Variants in SPAG16 observed in about 807,000 individuals in gnomAD.
SPAG16 encodes the protein sperm associated antigen 16, also known as sperm-associated antigen 16 protein.
A neutral mutation model predicts 80.4 loss-of-function variants in SPAG16; 86 were observed. The observed-to-expected ratio is 1.07, with a 90% CI of 0.90 to 1.28. The LOEUF is 1.28. Ranked by LOEUF, SPAG16 falls within the 50% of genes most tolerant of loss-of-function variation. The pLI is 0.00. For synonymous variants in SPAG16, 294 were observed against 265.9 expected, an observed-to-expected ratio of 1.11 and a Z score of -1.03; for missense variants, 870 against 765.3, an observed-to-expected ratio of 1.14 and a Z score of -1.61.
At chr2:213,615,717 T>TA (rs2061571296) in intron 10 of SPAG16, among the ~76,000 whole-genome samples, 1 of 152,240 alleles carries the variant, frequency 6.6e-6, no homozygotes, top group South Asian at 2.1e-4. Flanking sequence ...TTGTGTTATT[T>TA]AACGTTAGAT....
At chr2:213,559,146 GA>G (rs1254876140) in intron 10 of SPAG16, among the ~76,000 whole-genome samples, 1 of 152,042 alleles carries the variant, frequency 6.6e-6, no homozygotes, top group Non-Finnish European at 1.5e-5. Context: ...GACGCAATAA[GA>G]AGACAATTAT....
At chr2:213,531,178 T>C (rs1186581728) in intron 10 of SPAG16, among the ~76,000 whole-genome samples, 1 of 152,172 alleles carries the variant, frequency 6.6e-6, no homozygotes, top group African/African-American at 2.4e-5. Context: ...GTTTTCACAC[T>C]AGGACATTTT....
chr2:213,699,468 T>G (rs979162438), intron 10 of SPAG16, among the ~76,000 whole-genome samples: 1 of 152,150 alleles, frequency 6.6e-6, no homozygotes, highest in African/African-American at 2.4e-5. Context: ...AAAAGAAATT[T>G]AAAGAAAATT....
At chr2:213,303,455 T>G (rs2062822999) in intron 3 of SPAG16, among the ~76,000 whole-genome samples, 2 of 142,594 alleles carry the variant, frequency 1.4e-5, no homozygotes, top group African/African-American at 2.4e-5. Flanking sequence ...TATTGTTGAA[T>G]GTAGTCACTC....
intron 15 of SPAG16, among the ~76,000 whole-genome samples, chr2:214,195,788 T>TA (rs142330864): frequency 0.061 from 9,332 of 151,826 alleles, 344 homozygotes; most frequent in South Asian, 0.081. Context: ...GAAATTCAAG[T>TA]AAAAAAAACT....
intron 15 of SPAG16, among the ~76,000 whole-genome samples, chr2:214,352,394 T>C (rs1403913476): frequency 6.6e-6 from 1 of 152,264 alleles, no homozygotes; most frequent in Non-Finnish European, 1.5e-5. Context: ...ATTCCCTTTA[T>C]TAAGTGATAC....
At chr2:214,403,059 A>C (rs1701802367) in intron 15 of SPAG16, among the ~76,000 whole-genome samples, 6 of 151,210 alleles carry the variant, frequency 4.0e-5, no homozygotes. Context: ...AAAAAAAAAA[A>C]AACTCATCTG....
At chr2:214,256,562 T>TATGG (rs1559159703) in intron 15 of SPAG16, among the ~76,000 whole-genome samples, 1 of 151,074 alleles carries the variant, frequency 6.6e-6, no homozygotes, top group East Asian at 1.9e-4. Flanking sequence ...TTTCTGTATG[T>TATGG]TATAAATCTG....
chr2:213,723,507 G>A (rs1301592410), intron 10 of SPAG16, among the ~76,000 whole-genome samples: 1 of 152,178 alleles, frequency 6.6e-6, no homozygotes, highest in Non-Finnish European at 1.5e-5. Flanking sequence ...TGAATTGAAT[G>A]TAGAAGGACA....
chr2:213,958,938 G>A (rs1217182108), intron 12 of SPAG16, among the ~76,000 whole-genome samples: 1 of 152,156 alleles, frequency 6.6e-6, no homozygotes, highest in African/African-American at 2.4e-5. Context: ...TTTCAGGGCA[G>A]TTCTACTGGT....
chr2:213,838,058 C>T (rs371752775), intron 10 of SPAG16, among the ~76,000 whole-genome samples: 12 of 151,556 alleles, frequency 7.9e-5, no homozygotes, highest in Admixed American at 3.9e-4. Flanking sequence ...GCCGTTCTTA[C>T]GGTTGTAAGA....
intron 9 of SPAG16, among the ~76,000 whole-genome samples, chr2:213,407,852 G>A (rs571796654): frequency 1.6e-5 from 2 of 123,372 alleles, no homozygotes; most frequent in South Asian, 3.0e-4. Context: ...CAGGAGAGAG[G>A]CAGAGAGAGA....
intron 14 of SPAG16, among the ~76,000 whole-genome samples, chr2:214,127,386 C>T (rs953346174): frequency 3.8e-4 from 57 of 151,846 alleles, no homozygotes; most frequent in African/African-American, 1.4e-3. Context: ...AACAATATCA[C>T]ATGCTGTTCC....
chr2:213,668,279 G>C (rs932413874), intron 10 of SPAG16, among the ~76,000 whole-genome samples: 2 of 149,390 alleles, frequency 1.3e-5, no homozygotes, highest in African/African-American at 4.9e-5. Context: ...CCTATGTTTA[G>C]ATAATTTTTC....
chr2:213,867,197 T>C (rs558967762), intron 11 of SPAG16, among the ~76,000 whole-genome samples: 227 of 152,328 alleles, frequency 1.5e-3, no homozygotes, highest in African/African-American at 5.3e-3. Flanking sequence ...TAAGGTCATA[T>C]ATTGGTAAGA....
At chr2:214,405,496 A>G (rs1366485190) in intron 15 of SPAG16, among the ~76,000 whole-genome samples, 2 of 152,154 alleles carry the variant, frequency 1.3e-5, no homozygotes, top group African/African-American at 2.4e-5. Flanking sequence ...AAAGTTTTCA[A>G]TTCAAATCCC....
chr2:214,289,587 T>C (rs886716661), intron 15 of SPAG16, among the ~76,000 whole-genome samples: 8 of 152,228 alleles, frequency 5.3e-5, no homozygotes, highest in African/African-American at 1.4e-4. Context: ...GGTCTATGTG[T>C]CTGCTCTTAT....
chr2:214,277,591 C>G (rs894828554), intron 15 of SPAG16, among the ~76,000 whole-genome samples: 5 of 149,468 alleles, frequency 3.3e-5, no homozygotes, highest in East Asian at 2.0e-4. Flanking sequence ...ACTCCAGACC[C>G]TGTTTGCCTG....
At chr2:213,586,693 T>C (rs2060486854) in intron 10 of SPAG16, among the ~76,000 whole-genome samples, 1 of 152,200 alleles carries the variant, frequency 6.6e-6, no homozygotes, top group Non-Finnish European at 1.5e-5. Flanking sequence ...CAAGGTACAA[T>C]TCATTCTGAG....
Sources: allele counts gnomAD v4.1 joint callset (sites outside exome capture counted in the v4.1 genomes callset), GRCh38; gene constraint gnomAD v4.1.1; transcripts MANE v1.5; gene names NCBI Gene and HGNC (gene_info 2026-07-23, HGNC 2026-07-21).